The following PAK3 variants were observed in gnomAD, a reference collection of about 807,000 sequenced individuals.
PAK3 encodes the protein p21 (RAC1) activated kinase 3.
A neutral mutation model predicts 41.0 loss-of-function variants in PAK3; 4 were observed. The ratio of observed to expected loss-of-function variants is 0.10; its 90% CI spans 0.05 to 0.22. PAK3 has a LOEUF of 0.22. PAK3 is among the 10% of genes least tolerant of loss of function. The probability of loss-of-function intolerance (pLI) is 1.00; values close to 1 mark genes in which losing one functional copy is unlikely to be tolerated. For missense variants in PAK3, 205 were observed against 409.9 expected (o/e 0.50, Z 4.32); for synonymous variants, 146 against 139.6 (o/e 1.05, Z -0.32).
chrX:111,020,949 T>A (rs905126016), intron 1 of PAK3, among the ~76,000 whole-genome samples: 1 of 110,794 alleles, frequency 9.0e-6, no homozygotes, highest in Non-Finnish European at 1.9e-5. Flanking sequence ...CCTGGGTATA[T>A]AACTCCACTG....
At chrX:111,035,764 C>CTT (rs2092394108) in intron 1 of PAK3, among the ~76,000 whole-genome samples, 1 of 112,031 alleles carries the variant, frequency 8.9e-6, no homozygotes, top group African/African-American at 3.2e-5. Flanking sequence ...TTTGCTTCAG[C>CTT]CCTTGAGGGA....
At chrX:111,010,905 G>C (rs1416726395) in intron 1 of PAK3, among the ~76,000 whole-genome samples, 2 of 111,930 alleles carry the variant, frequency 1.8e-5, no homozygotes, top group Admixed American at 1.9e-4. Flanking sequence ...AACAGCACTG[G>C]AAAAATCCTC....
intron 16 of PAK3, among the ~76,000 whole-genome samples, chrX:111,205,716 G>T (rs769467222): frequency 1.8e-5 from 2 of 111,149 alleles, no homozygotes; most frequent in East Asian, 5.7e-4. Context: ...AGTATTAAAA[G>T]AATTGTATAT....
chrX:111,042,215 A>G (rs2092458671), intron 1 of PAK3, among the ~76,000 whole-genome samples: 1 of 111,494 alleles, frequency 9.0e-6, no homozygotes, highest in African/African-American at 3.3e-5. Context: ...CTCCATTGCC[A>G]CTTCCACTCA....
At chrX:111,191,786 C>T (rs1263764749) in intron 11 of PAK3, among the ~76,000 whole-genome samples, 2 of 111,555 alleles carry the variant, frequency 1.8e-5, no homozygotes, top group Non-Finnish European at 3.8e-5. Context: ...CCATTTTGCT[C>T]AATTTATTAC....
At chrX:111,029,050 T>C (rs2092309169) in intron 1 of PAK3, among the ~76,000 whole-genome samples, 1 of 111,362 alleles carries the variant, frequency 9.0e-6, no homozygotes, top group African/African-American at 3.3e-5. Flanking sequence ...AGCAAGTGGA[T>C]TGCTTGAGCC....
At chrX:111,154,419 T>C (rs2094074248) in intron 8 of PAK3, among the ~76,000 whole-genome samples, 1 of 111,853 alleles carries the variant, frequency 8.9e-6, no homozygotes, top group Non-Finnish European at 1.9e-5. Context: ...GCTTAGCTTC[T>C]CTGAGCTTCT....
Position 111,078,824 on chromosome X carries a change from T to C in PAK3, c.-27-44253T>C, listed in dbSNP as rs1386804403. On this transcript the variant is annotated intron_variant, in intron 1 of 14. Coordinates refer to the PAK3 transcript ENST00000425146. ...CAAAGTAAAAGTTCCTGAGGGAAAC[T>C]AAAAGTGCTACTCCAGTGAACACAT... 3.6e-5 allele frequency among the ~76,000 whole-genome samples: 4 copies of C among 112,063 alleles called. No homozygotes were observed. The East Asian group carries it at 1.1e-3, about 31-fold the overall frequency.
chrX:111,216,457 CT>C lies in PAK3; in HGVS notation c.1445del (p.Leu482ProfsTer15). 1 of 1,179,173 alleles carries C rather than the reference CT, an allele frequency of 8.5e-7. No individual in the cohort carries two copies. Among genetic ancestry groups the C allele is most frequent in the East Asian group, 3.0e-5 (1 of 33,668 alleles). The stretch of plus-strand genomic sequence containing the variant: ...GATAGCCACTAATGGAACTCCAGAG[CT>C]CCAGAATCCTGAGAGACTGTCAGCT... ...YLIATNGTPELQNPERLSAVF... is the reference protein window; with the variant it reads ...YLIATNGTPEXQNPERLSAVF... On this transcript the variant is annotated frameshift_variant, in exon 17 of 18. Transcript: ENST00000372007. LOFTEE classifies it high-confidence loss of function.
chrX:111,066,143 A>T (rs996711059), intron 1 of PAK3, among the ~76,000 whole-genome samples: 4 of 111,650 alleles, frequency 3.6e-5, no homozygotes, highest in South Asian at 3.7e-4. Flanking sequence ...GTGTGATGTC[A>T]GATCAGTAAT....
intron 6 of PAK3, among the ~76,000 whole-genome samples, chrX:111,145,992 G>A (rs938984750): frequency 9.0e-6 from 1 of 111,631 alleles, no homozygotes. Flanking sequence ...ACATCAATGA[G>A]AATAAAATTC....
intron 1 of PAK3, among the ~76,000 whole-genome samples, chrX:111,002,434 A>G (rs1211162678): frequency 9.0e-6 from 1 of 111,637 alleles, no homozygotes; most frequent in African/African-American, 3.3e-5. Flanking sequence ...GAAAAGGCAG[A>G]TTTAGGTCTC....
chrX:111,109,645 G>A (rs2093335643), intron 4 of PAK3, among the ~76,000 whole-genome samples: 2 of 111,771 alleles, frequency 1.8e-5, no homozygotes, highest in South Asian at 7.6e-4. Context: ...AACTTGTGGG[G>A]GTGGTGAGTA....
At chrX:111,178,920 T>TTTA (rs1213293660) in intron 11 of PAK3, among the ~76,000 whole-genome samples, 1 of 106,918 alleles carries the variant, frequency 9.4e-6, no homozygotes, top group African/African-American at 3.4e-5. Flanking sequence ...TAAGATAATT[T>TTTA]TAAAAAGTTT....
chrX:111,050,240 G>A (rs1048774280), intron 1 of PAK3, among the ~76,000 whole-genome samples: 3 of 111,230 alleles, frequency 2.7e-5, no homozygotes, highest in African/African-American at 6.6e-5. Flanking sequence ...CTGTGAGGAA[G>A]CACCGTGATC....
chrX:111,049,891 A>G (rs1029828656), intron 1 of PAK3, among the ~76,000 whole-genome samples: 2 of 111,259 alleles, frequency 1.8e-5, no homozygotes, highest in African/African-American at 6.5e-5. Flanking sequence ...GCTGATTTTT[A>G]CTCATCCTCT....
At chrX:111,159,214 T>C (rs1006579534) in intron 8 of PAK3, among the ~76,000 whole-genome samples, 1 of 112,088 alleles carries the variant, frequency 8.9e-6, no homozygotes, top group Non-Finnish European at 1.9e-5. Flanking sequence ...TTGCTAAATA[T>C]GAAAATCAAA....
intron 16 of PAK3, among the ~76,000 whole-genome samples, chrX:111,204,770 G>A (rs1229954351): frequency 2.7e-5 from 3 of 110,294 alleles, no homozygotes. Flanking sequence ...TTGTAGCTGG[G>A]AGAGTCAGAG....
chrX:110,958,940 C>T (rs1454913069), intron 1 of PAK3, among the ~76,000 whole-genome samples: 1 of 111,781 alleles, frequency 8.9e-6, no homozygotes, highest in African/African-American at 3.3e-5. Flanking sequence ...CTGGATTATG[C>T]TTTTTTAAAA....
Sources: gnomAD v4.1 joint callset for allele counts (sites outside exome capture counted in the v4.1 genomes callset) on GRCh38, gnomAD v4.1.1 for gene constraint, MANE v1.5 for transcripts, NCBI Gene and HGNC (gene_info 2026-07-23, HGNC 2026-07-21) for gene names.